Variants in TFAM observed in about 807,000 individuals in gnomAD.
TFAM encodes mitochondrial transcription factor 1.
TFAM carries 13 observed loss-of-function variants against 30.6 expected under a neutral mutation model. That is an observed-to-expected ratio of 0.42 (90% CI 0.28 to 0.67). TFAM has a LOEUF of 0.67. TFAM is among the 30% of genes least tolerant of loss of function. TFAM has a pLI of 0.21. For missense variants in TFAM, 231 were observed against 293.7 expected, an observed-to-expected ratio of 0.79 and a Z score of 1.56; for synonymous variants, 106 against 94.8, an observed-to-expected ratio of 1.12 and a Z score of -0.69.
intron 2 of TFAM, 65 bp downstream of exon 2, chr10:58,386,403 C>T: frequency 8.6e-7 from 1 of 1,157,878 alleles, no homozygotes. Flanking sequence ...CAGTTAAATA[C>T]CAATGTTGAA....
rs936842297 is a variant in TFAM, at chr10:58,395,675, A to G, written c.*601A>G. 2 of 294,830 alleles carry G rather than the reference A, an allele frequency of 6.8e-6. No individual in the cohort carries two copies. The highest frequency in any genetic ancestry group is 1.2e-5 in the Non-Finnish European group (2 of 161,614). The allele number at this position is 294,830 out of a possible 1,614,324, so 18.3% of individuals were successfully genotyped here. ...CTTTTTTCTAAAGTAAAAACAAAGA[A>G]ATTATGTGCCAGATTTATGCATATT... On this transcript the variant is annotated 3_prime_UTR_variant, in exon 7 of 7. Coordinates refer to ENST00000487519, the MANE Select transcript of TFAM (RefSeq NM_003201.3).
intron 4 of TFAM, 51 bp downstream of exon 4, chr10:58,388,870 A>T (rs779865582): frequency 1.4e-6 from 2 of 1,466,558 alleles, no homozygotes; most frequent in African/African-American, 2.8e-5. Context: ...TGAGATTTAT[A>T]TAACTATGAA....
Position 58,395,268 on chromosome 10 carries a change from C to A in TFAM, c.*194C>A, listed in dbSNP as rs1449868683. On this transcript the variant is annotated 3_prime_UTR_variant, in exon 7 of 7. Transcript: ENST00000487519. Reference sequence around the variant, plus strand: ...AAACCCAGATAAAGGTTCATGCAAACTTTATTTTGTGTTTAGGAACTACTG... The same window carrying A: ...AAACCCAGATAAAGGTTCATGCAAAATTTATTTTGTGTTTAGGAACTACTG... The A allele has an allele frequency of 2.7e-5, 16 of 595,842 alleles. No individual in the cohort carries two copies. The South Asian group carries it at 3.1e-4, about 12-fold the overall frequency. The allele number at this position is 595,842 out of a possible 1,614,324, so 36.9% of individuals were successfully genotyped here. A position where few individuals can be genotyped will look rare whatever the true frequency, so the allele number is the denominator to read the frequency against.
chr10:58,394,942 T>G lies in TFAM; in HGVS notation c.609T>G (p.His203Gln). 6.2e-7 allele frequency: 1 copy of G among 1,613,460 alleles called. No individual in the cohort carries two copies. Among genetic ancestry groups the G allele is most frequent in the Non-Finnish European group, 8.5e-7 (1 of 1,179,552 alleles). The stretch of plus-strand genomic sequence containing the variant: ...CTTTTTCTCAGTTATATATTCAGCA[T>G]GCTAAAGAGGACGAAACTCGTTATC... ...SDSEKELYIQ[H>Q]AKEDETRYHN... The change falls in exon 7 of 7, where the codon CAT (histidine) becomes CAG (glutamine). Residue 203 changes from histidine to glutamine, a missense_variant. Coordinates refer to ENST00000487519, the MANE Select transcript of TFAM (RefSeq NM_003201.3).
chr10:58,394,996 A>G lies in TFAM; in HGVS notation c.663A>G (p.Gln221=). The change falls in exon 7 of 7, where the codon CAA becomes CAG. Residue 221 remains glutamine, a synonymous_variant. Transcript: ENST00000487519. ...ATGAAATGAAGTCTTGGGAAGAACA[A>G]ATGATTGAAGTTGGACGAAAGGATC... ...YHNEMKSWEE[Q]MIEVGRKDLL... The G allele has an allele frequency of 6.2e-7, 1 of 1,613,866 alleles. No individual in the cohort carries two copies. Among genetic ancestry groups the G allele is most frequent in the Non-Finnish European group, 8.5e-7 (1 of 1,179,828 alleles).
In TFAM at chr10:58,395,854, C is replaced by T. The variant is rs954079198; in HGVS notation, c.*780C>T. The T allele has an allele frequency of 4.3e-6, 1 of 235,140 alleles. No homozygotes were observed. The highest frequency in any genetic ancestry group is 2.2e-5 in the African/African-American group (1 of 44,810). 14.6% of individuals were successfully genotyped at this position (235,140 alleles called of 1,614,324 possible). ...ATTTTCTCTCGTGAGTATATTGATC[C>T]AGAAAGAAAACTTGTATTATGTGTG... On this transcript the variant is annotated 3_prime_UTR_variant, in exon 7 of 7. Coordinates refer to ENST00000487519, the MANE Select transcript of TFAM (RefSeq NM_003201.3).
chr10:58,397,040 AAT>A lies in TFAM; in HGVS notation c.*1967_*1968del, dbSNP rs1171271407. On this transcript the variant is annotated 3_prime_UTR_variant, in exon 7 of 7. Transcript: ENST00000487519. ...GCTAGTGTCTATCACAGGCTTTCTC[AAT>A]TAGGTTTGCAGGAGAAAAAGCCCTA... is the stretch of plus-strand genomic sequence containing the variant. 1 of 152,146 alleles carries A rather than the reference AAT, an allele frequency of 6.6e-6. No individual in the cohort carries two copies. The highest frequency in any genetic ancestry group is 1.5e-5 in the Non-Finnish European group (1 of 68,062). The allele number at this position is 152,146 out of a possible 1,614,324, so 9.4% of individuals were successfully genotyped here. A position where few individuals can be genotyped will look rare whatever the true frequency, so the allele number is the denominator to read the frequency against.
intron 1 of TFAM, 91 bp from the exon 2 acceptor site, chr10:58,386,129 A>G (rs1275207843): frequency 1.3e-5 from 12 of 890,106 alleles, no homozygotes; most frequent in South Asian, 1.1e-4. Flanking sequence ...TATCTTGATG[A>G]CATTTCTTAT....
At chr10:58,385,794 G>A (rs1840475485) in intron 1 of TFAM, 146 bp downstream of exon 1, 1 of 716,504 alleles carries the variant, frequency 1.4e-6, no homozygotes, top group South Asian at 1.5e-5. Context: ...TTGCCAAGGG[G>A]ACGGTGGCCT....
chr10:58,394,575 C>T (rs1589014898), intron 6 of TFAM, 161 bp downstream of exon 6: 1 of 795,450 alleles, frequency 1.3e-6, no homozygotes, highest in Non-Finnish European at 2.2e-6. Context: ...GCATTTTTCT[C>T]TTGGTAGTTT....
Position 58,395,669 on chromosome 10 carries a change from CAAA to C in TFAM, c.*596_*598del, listed in dbSNP as rs1390859135. On this transcript the variant is annotated 3_prime_UTR_variant, in exon 7 of 7. Coordinates refer to ENST00000487519, the MANE Select transcript of TFAM (RefSeq NM_003201.3). ...TACTGTCTTTTTTCTAAAGTAAAAA[CAAA>C]GAAATTATGTGCCAGATTTATGCAT... 2 of 288,848 alleles carry C rather than the reference CAAA, an allele frequency of 6.9e-6. No homozygotes were observed. Among genetic ancestry groups the C allele is most frequent in the African/African-American group, 4.3e-5 (2 of 46,528 alleles). The allele number at this position is 288,848 out of a possible 1,614,324, so 17.9% of individuals were successfully genotyped here.
intron 2 of TFAM, among the ~76,000 whole-genome samples, chr10:58,387,142 A>G (rs752654617): frequency 4.6e-5 from 7 of 152,162 alleles, no homozygotes; most frequent in Non-Finnish European, 1.0e-4. Flanking sequence ...CAGTGCCTGT[A>G]GTCCCAGCTA....
chr10:58,385,870 C>G (rs1840477837), intron 1 of TFAM, among the ~76,000 whole-genome samples: 1 of 152,196 alleles, frequency 6.6e-6, no homozygotes, highest in Admixed American at 6.5e-5. Context: ...ACTCGCTTCT[C>G]CCATCCCTCC....
Position 58,385,500 on chromosome 10 carries a change from G to A in TFAM, c.-48G>A, listed in dbSNP as rs1232350669. ...GATTGCTGGAGTTGTGTATTGCCAG[G>A]AGGCTCTCCGAGATTGGGGTCGGGT... On this transcript the variant is annotated 5_prime_UTR_variant, in exon 1 of 7. Transcript: ENST00000487519. 3 of 1,429,276 alleles carry A rather than the reference G, an allele frequency of 2.1e-6. No homozygotes were observed. Among genetic ancestry groups the A allele is most frequent in the South Asian group, 2.4e-5 (2 of 81,732 alleles). The allele number at this position is 1,429,276 out of a possible 1,614,324, so 88.5% of individuals were successfully genotyped here.
At chr10:58,390,640 A>G (rs1840573687) in intron 4 of TFAM, 125 bp from the exon 5 acceptor site, 3 of 773,796 alleles carry the variant, frequency 3.9e-6, no homozygotes, top group East Asian at 5.1e-5. Flanking sequence ...CACACTATAT[A>G]AGAATCATAA....
chr10:58,394,469 T>G, intron 6 of TFAM, 55 bp downstream of exon 6: 1 of 1,416,372 alleles, frequency 7.1e-7, no homozygotes, highest in Non-Finnish European at 1.0e-6. Flanking sequence ...TGTGAGAGAA[T>G]GTATTAGGGC....
At chr10:58,389,423 A>G (rs1840550604) in intron 4 of TFAM, among the ~76,000 whole-genome samples, 1 of 152,200 alleles carries the variant, frequency 6.6e-6, no homozygotes, top group Non-Finnish European at 1.5e-5. Flanking sequence ...TCATAGAGCC[A>G]GTATTAGTTT....
chr10:58,388,335 C>A, intron 3 of TFAM, 75 bp downstream of exon 3: 1 of 1,228,386 alleles, frequency 8.1e-7, no homozygotes, highest in Non-Finnish European at 1.2e-6. Flanking sequence ...CTTTAAAGGA[C>A]CAGATGGATC....
In TFAM at chr10:58,397,487, A is replaced by G. The variant is rs1486473580; in HGVS notation, c.*2413A>G. On this transcript the variant is annotated 3_prime_UTR_variant, in exon 7 of 7. Transcript: ENST00000487519. ...AACTATTTTATGGTAATTTTATGGT[A>G]GTATCAGCTTGTATTTGGTTCTCTG... 6.6e-6 allele frequency: 1 copy of G among 152,164 alleles called. No individual in the cohort carries two copies. The highest frequency in any genetic ancestry group is 1.5e-5 in the Non-Finnish European group (1 of 68,020). 9.4% of individuals were successfully genotyped at this position (152,164 alleles called of 1,614,324 possible).
Sources: allele counts gnomAD v4.1 joint callset (sites outside exome capture counted in the v4.1 genomes callset), GRCh38; gene constraint gnomAD v4.1.1; transcripts MANE v1.5; gene names NCBI Gene and HGNC (gene_info 2026-07-23, HGNC 2026-07-21).